The following CRPPA variants were observed in gnomAD, a reference collection of about 807,000 sequenced individuals.
The protein encoded by CRPPA is D-ribitol-5-phosphate cytidylyltransferase.
A neutral mutation model predicts 52.0 loss-of-function variants in CRPPA; 43 were observed. The observed-to-expected ratio is 0.83, with a 90% confidence interval of 0.65 to 1.07. CRPPA has a LOEUF of 1.07. Among genes scored for constraint, CRPPA ranks in the 50% least tolerant of loss-of-function variants. The pLI, the probability that CRPPA is intolerant of heterozygous loss-of-function variation, is 0.00. For missense variants in CRPPA, 629 were observed against 551.7 expected, an observed-to-expected ratio of 1.14 and a Z score of -1.40; for synonymous variants, 250 against 203.5, an observed-to-expected ratio of 1.23 and a Z score of -1.94.
chr7:16,403,190 C>T lies in CRPPA; in HGVS notation c.534+2871G>A, dbSNP rs987906484. On this transcript the variant is annotated intron_variant, in intron 2 of 9. Transcript: ENST00000407010. ...ATTTTATACCCAGAAAAACTATCAT[C>T]ATTAAAGTAAGACAGAAATAACCCT... Among the ~76,000 whole-genome samples, 232 of 152,202 alleles carry T rather than the reference C, an allele frequency of 1.5e-3. 4 individuals are homozygous for T. Among genetic ancestry groups the T allele is most frequent in the Non-Finnish European group, 3.4e-4 (23 of 67,984 alleles).
At chr7:16,159,779 G>A (rs748013238) in intron 9 of CRPPA, among the ~76,000 whole-genome samples, 3 of 152,120 alleles carry the variant, frequency 2.0e-5, no homozygotes, top group African/African-American at 2.4e-5. Context: ...TTGAGGAATC[G>A]CCACACTGTT....
intron 9 of CRPPA, among the ~76,000 whole-genome samples, chr7:16,179,912 T>C (rs1010445741): frequency 6.6e-6 from 1 of 152,176 alleles, no homozygotes; most frequent in African/African-American, 2.4e-5. Flanking sequence ...GCATCCATTA[T>C]ATTTTGTTAC....
chr7:16,279,879 A>G (rs1784285733), intron 5 of CRPPA, among the ~76,000 whole-genome samples: 1 of 152,230 alleles, frequency 6.6e-6, no homozygotes, highest in Non-Finnish European at 1.5e-5. Flanking sequence ...AGACTGGGCA[A>G]TTTACAAAAG....
chr7:16,121,315 G>C (rs1562514346), intron 9 of CRPPA, among the ~76,000 whole-genome samples: 5 of 152,036 alleles, frequency 3.3e-5, no homozygotes, highest in Non-Finnish European at 7.4e-5. Context: ...AAATGATTTG[G>C]CAGCAGAAAA....
chr7:16,415,456 T>C (rs913934479), intron 1 of CRPPA, among the ~76,000 whole-genome samples: 3 of 152,200 alleles, frequency 2.0e-5, no homozygotes, highest in Non-Finnish European at 4.4e-5. Flanking sequence ...AGCCAGAGAA[T>C]AAGCCTCAGT....
At chr7:16,097,893 G>A (rs533499717) in intron 9 of CRPPA, among the ~76,000 whole-genome samples, 1 of 152,266 alleles carries the variant, frequency 6.6e-6, no homozygotes, top group Non-Finnish European at 1.5e-5. Flanking sequence ...GTAGCACCTT[G>A]CAAGTGTATA....
At chr7:16,201,881 G>A (rs1583425387) in intron 9 of CRPPA, among the ~76,000 whole-genome samples, 3 of 151,992 alleles carry the variant, frequency 2.0e-5, no homozygotes, top group African/African-American at 7.3e-5. Context: ...TCTTTCATCT[G>A]ACTGTGCTAG....
chr7:16,198,715 T>C (rs1045117191), intron 9 of CRPPA, among the ~76,000 whole-genome samples: 1 of 143,402 alleles, frequency 7.0e-6, no homozygotes, highest in African/African-American at 2.6e-5. Context: ...ACTCCCATAC[T>C]TGCGCAGCAT....
At chr7:16,160,564 T>C (rs1783281783) in intron 9 of CRPPA, among the ~76,000 whole-genome samples, 1 of 152,222 alleles carries the variant, frequency 6.6e-6, no homozygotes. Context: ...TTTGTTACTG[T>C]AGCCTTGTAG....
chr7:16,094,912 G>A (rs1349909099), intron 9 of CRPPA, among the ~76,000 whole-genome samples: 1 of 152,032 alleles, frequency 6.6e-6, no homozygotes, highest in Non-Finnish European at 1.5e-5. Flanking sequence ...GGTGTCTGAA[G>A]AGAACTAAAA....
intron 8 of CRPPA, among the ~76,000 whole-genome samples, chr7:16,252,035 G>C (rs188252020): frequency 6.8e-4 from 104 of 152,224 alleles, no homozygotes; most frequent in Middle Eastern, 6.8e-3. Flanking sequence ...AATAAAAAAT[G>C]ATAGAGAGCA....
At chr7:16,094,629 A>G (rs978486344) in intron 9 of CRPPA, among the ~76,000 whole-genome samples, 1 of 152,088 alleles carries the variant, frequency 6.6e-6, no homozygotes, top group Non-Finnish European at 1.5e-5. Flanking sequence ...TCCAAATATT[A>G]TATAATAAAC....
Position 16,088,907 on chromosome 7 carries a change from G to A in CRPPA, c.*2788C>T, listed in dbSNP as rs576466802. The A allele has an allele frequency of 1.1e-5, 2 of 189,678 alleles. No individual in the cohort carries two copies. Among genetic ancestry groups the A allele is most frequent in the South Asian group, 1.8e-4 (2 of 10,966 alleles). 11.7% of individuals were successfully genotyped at this position (189,678 alleles called of 1,614,324 possible). A position where few individuals can be genotyped will look rare whatever the true frequency, so the allele number is the denominator to read the frequency against. ...TCGCCAATGTTCATTCAGTGCCTCT[G>A]GCTTATATATCACGTCTTATATATC... On this transcript the variant is annotated 3_prime_UTR_variant, in exon 10 of 10. Coordinates refer to ENST00000407010, the MANE Select transcript of CRPPA (RefSeq NM_001101426.4).
chr7:16,113,531 C>T (rs1480543980), intron 9 of CRPPA, among the ~76,000 whole-genome samples: 1 of 151,958 alleles, frequency 6.6e-6, no homozygotes, highest in Non-Finnish European at 1.5e-5. Flanking sequence ...AACTGAAATA[C>T]TAAGTAGAGA....
At chr7:16,214,765 C>T (rs1274413479) in intron 9 of CRPPA, among the ~76,000 whole-genome samples, 1 of 152,142 alleles carries the variant, frequency 6.6e-6, no homozygotes, top group Non-Finnish European at 1.5e-5. Flanking sequence ...CCCATCTTGG[C>T]CTCCCAAAGT....
intron 5 of CRPPA, among the ~76,000 whole-genome samples, chr7:16,294,208 CAT>C (rs950911228): frequency 3.3e-5 from 5 of 151,850 alleles, no homozygotes; most frequent in African/African-American, 1.2e-4. Context: ...TTGCTTTGAG[CAT>C]AAATATCATC....
chr7:16,213,009 T>C (rs940587512), intron 9 of CRPPA, among the ~76,000 whole-genome samples: 3 of 152,252 alleles, frequency 2.0e-5, no homozygotes, highest in Non-Finnish European at 4.4e-5. Flanking sequence ...TTTAAAATTT[T>C]TACTGTCACA....
intron 3 of CRPPA, among the ~76,000 whole-genome samples, chr7:16,325,030 T>C (rs1363345263): frequency 6.6e-6 from 1 of 152,234 alleles, no homozygotes; most frequent in African/African-American, 2.4e-5. Context: ...GCTACTGATG[T>C]AGACTTATTC....
intron 5 of CRPPA, among the ~76,000 whole-genome samples, 158 bp downstream of exon 5, chr7:16,301,263 A>T (rs1437572162): frequency 2.0e-5 from 3 of 152,232 alleles, no homozygotes; most frequent in Non-Finnish European, 2.9e-5. Flanking sequence ...CTAGCATGAA[A>T]CACATAAAAT....
Sources: allele counts gnomAD v4.1 joint callset (sites outside exome capture counted in the v4.1 genomes callset), GRCh38; gene constraint gnomAD v4.1.1; transcripts MANE v1.5; gene names NCBI Gene and HGNC (gene_info 2026-07-23, HGNC 2026-07-21).